DST: variants seen among roughly 807,000 people sequenced by gnomAD.
DST encodes bullous pemphigoid antigen.
A neutral mutation model predicts 875.2 loss-of-function variants in DST; 253 were observed. That is an observed-to-expected ratio of 0.29 (90% CI 0.26 to 0.32). The LOEUF (loss-of-function observed/expected upper bound fraction) is 0.32, where lower values mean the gene tolerates loss of function less well. Ranked by LOEUF, DST falls within the 10% of genes least tolerant of loss-of-function variation. The probability of loss-of-function intolerance (pLI) is 1.00; values close to 1 mark genes in which losing one functional copy is unlikely to be tolerated. For synonymous variants in DST, 3,124 were observed against 3,197.1 expected (o/e 0.98, Z 0.77); for missense variants, 8,287 against 9,111.6 (o/e 0.91, Z 3.68).
At chr6:56,833,977 C>G (rs2099790477) in intron 4 of DST, among the ~76,000 whole-genome samples, 1 of 151,892 alleles carries the variant, frequency 6.6e-6, no homozygotes, top group African/African-American at 2.4e-5. Flanking sequence ...CTGTAAATCC[C>G]AGCACTTTAG....
intron 3 of DST, among the ~76,000 whole-genome samples, chr6:56,883,777 C>A (rs1783321695): frequency 6.6e-6 from 1 of 152,038 alleles, no homozygotes; most frequent in African/African-American, 2.4e-5. Flanking sequence ...CTCCCCTACC[C>A]CACCAGATGA....
intron 2 of DST, among the ~76,000 whole-genome samples, chr6:56,909,483 T>C (rs1160310572): frequency 1.3e-5 from 2 of 152,160 alleles, no homozygotes; most frequent in African/African-American, 2.4e-5. Flanking sequence ...AATAACTACA[T>C]GAAAGAGGCC....
chr6:56,862,591 T>C (rs2127594387), intron 3 of DST, among the ~76,000 whole-genome samples: 1 of 152,252 alleles, frequency 6.6e-6, no homozygotes, highest in East Asian at 1.9e-4. Context: ...AGCTGGATTG[T>C]TGCTGAAGGG....
At chr6:56,897,784 A>G (rs1327139472) in intron 3 of DST, among the ~76,000 whole-genome samples, 2 of 152,082 alleles carry the variant, frequency 1.3e-5, no homozygotes, top group African/African-American at 4.8e-5. Flanking sequence ...TTGGGTCAAC[A>G]GGAGATACCA....
At chr6:56,561,172 C>T (rs1217591526) in intron 57 of DST, 136 bp downstream of exon 57, 8 of 1,017,462 alleles carry the variant, frequency 7.9e-6, no homozygotes, top group East Asian at 2.7e-5. Context: ...GCACATTAAA[C>T]AAAACTGTCA....
In DST at chr6:56,517,637, T is replaced by A. The variant is rs753916763; in HGVS notation, c.18130-17A>T. 7 of 1,609,182 alleles carry A rather than the reference T, an allele frequency of 4.4e-6. No individual in the cohort carries two copies. In the Admixed American group the frequency reaches 1.2e-4, roughly 27 times the overall value. ...TTGGTCAAACTAAACAAAAGATAAATAATTAGGTCAGCACGTTCCCGTTCC... is the reference window on the plus strand; with the variant it reads ...TTGGTCAAACTAAACAAAAGATAAAAAATTAGGTCAGCACGTTCCCGTTCC... On this transcript the variant is annotated splice_polypyrimidine_tract_variant and intron_variant, in intron 69 of 103. Transcript: ENST00000680361.
Position 56,625,214 on chromosome 6 carries a change from T to C in DST, c.4773A>G (p.Gln1591=). 1.9e-6 allele frequency: 3 copies of C among 1,613,658 alleles called. No homozygotes were observed. The highest frequency in any genetic ancestry group is 2.5e-6 in the Non-Finnish European group (3 of 1,179,646). Residue 1591 remains glutamine (Q), a synonymous_variant, in exon 35 of 104, where the codon CAA becomes CAG. Transcript: ENST00000680361. ...MTYRAMVDSQ[Q]KSPVKRRRMQ... is the part of the protein sequence containing the mutation. ...TTCTTCGGCGTTTCACTGGAGATTTTTGTTGTGAATCTACCATGGCCCGGT... is the reference window on the plus strand; with the variant it reads ...TTCTTCGGCGTTTCACTGGAGATTTCTGTTGTGAATCTACCATGGCCCGGT...
intron 3 of DST, among the ~76,000 whole-genome samples, chr6:56,894,281 C>T (rs1356355568): frequency 8.2e-5 from 6 of 73,310 alleles, no homozygotes; most frequent in African/African-American, 5.1e-4. Context: ...AGAGGGGCTC[C>T]TCACTTCCCA....
chr6:56,633,695 T>TC (rs1320916152), intron 27 of DST, among the ~76,000 whole-genome samples: 1 of 150,804 alleles, frequency 6.6e-6, no homozygotes, highest in Non-Finnish European at 1.5e-5. Context: ...AGACAGGGTT[T>TC]CTCCACGTTG....
At chr6:56,767,931 A>G (rs1384568708) in intron 4 of DST, among the ~76,000 whole-genome samples, 2 of 152,222 alleles carry the variant, frequency 1.3e-5, no homozygotes, top group Non-Finnish European at 2.9e-5. Flanking sequence ...TGGTGTACTC[A>G]AACAAGAGCA....
At position 56,905,004 on chromosome 6, in the gene DST, G is replaced by A. The variant is rs1592299328; in HGVS notation, c.217-4383C>T. On this transcript the variant is annotated intron_variant, in intron 2 of 103. Coordinates refer to ENST00000680361, the MANE Select transcript of DST (RefSeq NM_001374736.1). ...GGGGTTTCACCACATTGGCCAGTAT[G>A]GTCTTGATCTCCTGACCTCATGATC... 2.0e-5 allele frequency among the ~76,000 whole-genome samples: 3 copies of A among 152,246 alleles called. 1 individual carries two copies. The highest frequency in any genetic ancestry group is 2.0e-4 in the Admixed American group (3 of 15,290).
At chr6:56,705,991 A>G (rs1335558766) in intron 5 of DST, among the ~76,000 whole-genome samples, 1 of 152,216 alleles carries the variant, frequency 6.6e-6, no homozygotes, top group Non-Finnish European at 1.5e-5. Context: ...GTTATAACAC[A>G]TTTTGAGCAA....
At position 56,466,155 on chromosome 6, in the gene DST, C is replaced by T. The variant is rs920975458; in HGVS notation, c.22610G>A (p.Arg7537Gln). Residue 7537 changes from arginine to glutamine, a missense_variant, in exon 99 of 104, where the codon CGG (arginine) becomes CAG (glutamine). Coordinates refer to ENST00000680361, the MANE Select transcript of DST (RefSeq NM_001374736.1). Reference protein sequence around the residue: ...SQQLRLVRILRSTVMVRVGGG... With the variant: ...SQQLRLVRILQSTVMVRVGGG... ...TCCAACACGAACCATCACAGTACTC[C>T]GCAGGATCCGGACCAGTCGCAGTTG... 10 of 1,612,302 alleles carry T rather than the reference C, an allele frequency of 6.2e-6. No individual in the cohort carries two copies. Among genetic ancestry groups the T allele is most frequent in the Admixed American group, 1.7e-5 (1 of 59,898 alleles).
intron 4 of DST, among the ~76,000 whole-genome samples, chr6:56,821,949 C>G (rs1323168666): frequency 4.6e-5 from 7 of 151,762 alleles, no homozygotes. Flanking sequence ...AGACTTTCAT[C>G]AAAGTCTTTA....
At chr6:56,733,944 T>G (rs74959485) in intron 5 of DST, among the ~76,000 whole-genome samples, 2,988 of 152,208 alleles carry the variant, frequency 0.02, 91 homozygotes, top group African/African-American at 0.067. Context: ...AAGGCAAAAC[T>G]TTTAAGAATT....
intron 2 of DST, among the ~76,000 whole-genome samples, chr6:56,934,563 TA>T (rs1811963216): frequency 1.4e-4 from 6 of 43,854 alleles, no homozygotes; most frequent in East Asian, 7.3e-4. Context: ...TATTATATTA[TA>T]TATATATATA....
chr6:56,651,404 T>TA (rs2098974980), intron 10 of DST, among the ~76,000 whole-genome samples, 160 bp from the exon 11 acceptor site: 1 of 152,252 alleles, frequency 6.6e-6, no homozygotes, highest in Non-Finnish European at 1.5e-5. Context: ...ATTGCTCACT[T>TA]ATCTCAGAAA....
chr6:56,572,639 T>G, intron 52 of DST, 108 bp downstream of exon 52: 1 of 815,238 alleles, frequency 1.2e-6, no homozygotes, highest in South Asian at 2.3e-5. Flanking sequence ...TTTACTAATC[T>G]ATAAGCAATT....
intron 3 of DST, among the ~76,000 whole-genome samples, chr6:56,883,521 A>G (rs557377790): frequency 2.0e-5 from 3 of 152,204 alleles, no homozygotes; most frequent in African/African-American, 7.2e-5. Context: ...TTAATAATAA[A>G]TATCTAAAAT....
Sources: gnomAD v4.1 joint callset for allele counts (sites outside exome capture counted in the v4.1 genomes callset) on GRCh38, gnomAD v4.1.1 for gene constraint, MANE v1.5 for transcripts, NCBI Gene and HGNC (gene_info 2026-07-23, HGNC 2026-07-21) for gene names.